Variants in NCOA3 observed in about 807,000 individuals in gnomAD.
NCOA3 encodes nuclear receptor coactivator 3.
A neutral mutation model predicts 158.8 loss-of-function variants in NCOA3; 51 were observed. The observed-to-expected ratio is 0.32, with a 90% CI of 0.26 to 0.41. The LOEUF (loss-of-function observed/expected upper bound fraction) is 0.41. Ranked by LOEUF, NCOA3 falls within the 10% of genes least tolerant of loss-of-function variation. NCOA3 has a pLI of 1.00. For missense variants in NCOA3, 1,510 were observed against 1,746.6 expected, an observed-to-expected ratio of 0.86 and a Z score of 2.41; for synonymous variants, 537 against 592.4, an observed-to-expected ratio of 0.91 and a Z score of 1.36.
intron 8 of NCOA3, among the ~76,000 whole-genome samples, 184 bp downstream of exon 8, chr20:47,628,207 T>C (rs1378802143): frequency 6.6e-6 from 1 of 152,166 alleles, no homozygotes; most frequent in Non-Finnish European, 1.5e-5. Context: ...TTCACTAAAA[T>C]TCTTGGCATT....
At chr20:47,620,955 A>C (rs1356043081) in intron 2 of NCOA3, among the ~76,000 whole-genome samples, 1 of 152,214 alleles carries the variant, frequency 6.6e-6, no homozygotes, top group Non-Finnish European at 1.5e-5. Flanking sequence ...ACGTTTGAAA[A>C]TACAATACCC....
At chr20:47,598,246 C>CAA (rs71183268) in intron 2 of NCOA3, among the ~76,000 whole-genome samples, 2,975 of 84,244 alleles carry the variant, frequency 0.035, 112 homozygotes, top group African/African-American at 0.064. Context: ...GACTCTGTCT[C>CAA]AAAAAAAAAA....
intron 2 of NCOA3, among the ~76,000 whole-genome samples, chr20:47,601,673 A>G (rs1420746870): frequency 6.6e-6 from 1 of 152,202 alleles, no homozygotes; most frequent in Non-Finnish European, 1.5e-5. Flanking sequence ...AAAAACTTCT[A>G]ATTGGAGTAT....
chr20:47,627,833 T>A (rs1209917361), intron 7 of NCOA3, 84 bp downstream of exon 7: 1 of 1,574,212 alleles, frequency 6.4e-7, no homozygotes, highest in Admixed American at 1.7e-5. Context: ...GTAACCCTTC[T>A]TACTGAATTC....
chr20:47,639,987 C>A lies in NCOA3; in HGVS notation c.3016C>A (p.Gln1006Lys). 6.2e-7 allele frequency: 1 copy of A among 1,614,190 alleles called. No homozygotes were observed. The highest frequency in any genetic ancestry group is 8.5e-7 in the Non-Finnish European group (1 of 1,180,034). ...NPYGQAAASN[Q>K]LGSWPDGMLS... ...CTATGGCCAAGCAGCAGCATCTAAC[C>A]AACTGGGTTCCTGGCCCGATGGCAT... Residue 1006 changes from glutamine to lysine, a missense_variant, in exon 16 of 23, where the codon CAA becomes AAA. Physicochemically the swap from Gln to Lys is moderately conservative, Grantham distance 53. Around this residue, in one of 4 missense-constraint regions of NCOA3, gnomAD observed 1,017 missense variants for 1,098.3 expected, o/e 0.93. Coordinates refer to ENST00000371998, the MANE Select transcript of NCOA3 (RefSeq NM_181659.3).
intron 1 of NCOA3, among the ~76,000 whole-genome samples, chr20:47,522,979 A>G (rs2084369757): frequency 6.6e-6 from 1 of 151,838 alleles, no homozygotes; most frequent in Non-Finnish European, 1.5e-5. Flanking sequence ...TCACGAGGTC[A>G]GGAGATCGAG....
intron 1 of NCOA3, among the ~76,000 whole-genome samples, chr20:47,527,337 C>T (rs1176921544): frequency 6.6e-6 from 1 of 152,072 alleles, no homozygotes; most frequent in Non-Finnish European, 1.5e-5. Flanking sequence ...ATATAAATCC[C>T]ATGTAATCAT....
At chr20:47,535,120 G>A (rs372277383) in intron 1 of NCOA3, among the ~76,000 whole-genome samples, 2 of 152,194 alleles carry the variant, frequency 1.3e-5, no homozygotes, top group East Asian at 3.9e-4. Context: ...TAGTGCAGTG[G>A]CACAATCATG....
At chr20:47,532,392 G>A (rs1423750547) in intron 1 of NCOA3, among the ~76,000 whole-genome samples, 6 of 149,764 alleles carry the variant, frequency 4.0e-5, no homozygotes, top group Non-Finnish European at 7.4e-5. Context: ...GACGTAAGTA[G>A]CAAGAGAAAT....
chr20:47,633,982 G>A (rs1383648741), intron 9 of NCOA3, 66 bp from the exon 10 acceptor site: 21 of 1,567,006 alleles, frequency 1.3e-5, no homozygotes, highest in Non-Finnish European at 1.8e-5. Flanking sequence ...TTTCCTCCCT[G>A]TCCCCTCCTA....
rs72662719 is a variant in NCOA3, at chr20:47,577,745, C to T, written c.-98-5438C>T. 6.8e-4 allele frequency among the ~76,000 whole-genome samples: 103 copies of T among 152,302 alleles called. 2 individuals are homozygous for T. Among genetic ancestry groups the T allele is most frequent in the African/African-American group, 2.3e-3 (97 of 41,570 alleles). On this transcript the variant is annotated intron_variant, in intron 1 of 22. Coordinates refer to ENST00000371998, the MANE Select transcript of NCOA3 (RefSeq NM_181659.3). The stretch of plus-strand genomic sequence containing the variant: ...ATTGAAATCGAATTAAAATCTAACA[C>T]AAGATCATTTCAAGAAGCAGGACTT...
intron 8 of NCOA3, among the ~76,000 whole-genome samples, chr20:47,632,297 TC>T (rs763761085): frequency 3.3e-5 from 5 of 152,032 alleles, no homozygotes; most frequent in Non-Finnish European, 7.4e-5. Flanking sequence ...GTTTGGAGGT[TC>T]CATGCCCTCT....
chr20:47,509,009 C>G (rs2084072193), intron 1 of NCOA3, among the ~76,000 whole-genome samples: 1 of 152,162 alleles, frequency 6.6e-6, no homozygotes, highest in African/African-American at 2.4e-5. Flanking sequence ...GTACAATGCT[C>G]TTTTACTTAA....
At chr20:47,586,638 C>T (rs539249350) in intron 2 of NCOA3, among the ~76,000 whole-genome samples, 1 of 152,126 alleles carries the variant, frequency 6.6e-6, no homozygotes, top group East Asian at 1.9e-4. Flanking sequence ...GTTCTGCATT[C>T]AGTTATTATT....
intron 2 of NCOA3, among the ~76,000 whole-genome samples, chr20:47,618,797 C>G (rs116848790): frequency 6.6e-6 from 1 of 152,016 alleles, no homozygotes; most frequent in South Asian, 2.1e-4. Flanking sequence ...GGACATAGCT[C>G]GACATATTTA....
chr20:47,549,038 A>C (rs979037897), intron 1 of NCOA3, among the ~76,000 whole-genome samples: 1 of 152,126 alleles, frequency 6.6e-6, no homozygotes, highest in African/African-American at 2.4e-5. Flanking sequence ...ACTGTATTTA[A>C]AACATTTTTT....
At chr20:47,544,024 G>A (rs910003081) in intron 1 of NCOA3, among the ~76,000 whole-genome samples, 1 of 152,038 alleles carries the variant, frequency 6.6e-6, no homozygotes, top group Admixed American at 6.6e-5. Context: ...TGCAAAAATA[G>A]TAGAGTTTTC....
intron 1 of NCOA3, among the ~76,000 whole-genome samples, chr20:47,569,010 G>A (rs955997539): frequency 2.1e-4 from 32 of 151,306 alleles, no homozygotes; most frequent in Admixed American, 2.0e-3. Context: ...TGGAGTGCAG[G>A]GTGTGATCAC....
At chr20:47,559,466 A>C (rs1158549876) in intron 1 of NCOA3, among the ~76,000 whole-genome samples, 1 of 152,170 alleles carries the variant, frequency 6.6e-6, no homozygotes, top group Non-Finnish European at 1.5e-5. Flanking sequence ...GCATTTGTAC[A>C]AAACAGTAGA....
Sources: gnomAD v4.1 joint callset for allele counts (sites outside exome capture counted in the v4.1 genomes callset) on GRCh38, gnomAD v4.1.1 for gene constraint, gnomAD v4.1.1 regional missense constraint, MANE v1.5 for transcripts, NCBI Gene and HGNC (gene_info 2026-07-23, HGNC 2026-07-21) for gene names.